Variants in RANBP2 observed in about 807,000 individuals in gnomAD.
RANBP2 encodes the protein RAN binding protein 2.
Under a neutral mutation model 303.6 loss-of-function variants are expected in RANBP2, and 57 were observed. The observed-to-expected ratio is 0.19, with a 90% CI of 0.15 to 0.23. The LOEUF is 0.23. Among genes scored for constraint, RANBP2 ranks in the 10% least tolerant of loss-of-function variants. The probability of loss-of-function intolerance (pLI) is 1.00; values close to 1 mark genes in which losing one functional copy is unlikely to be tolerated. For synonymous variants in RANBP2, 1,167 were observed against 1,301.5 expected (o/e 0.90, Z 2.23); for missense variants, 3,138 against 3,780.8 (o/e 0.83, Z 4.46).
At chr2:109,150,592 G>A in the RANBP2 span, among the ~76,000 whole-genome samples, 1 of 152,284 alleles carries the variant, frequency 6.6e-6, no homozygotes, top group Admixed American at 6.5e-5. Context: ...GGAAAGTGAG[G>A]CCCAGAGAAG....
chr2:109,553,086 C>CCT, the RANBP2 span: 1 of 1,608,106 alleles, frequency 6.2e-7, no homozygotes, highest in Non-Finnish European at 8.5e-7. Context: ...AGCATACTTG[C>CCT]CTCTCTCTCA....
At chr2:109,398,853 T>C in the RANBP2 span, 44,060 of 1,613,772 alleles carry the variant, frequency 0.027, 3,815 homozygotes, top group African/African-American at 0.29. Context: ...CCATGGAAAT[T>C]AGTGCTCCAG....
chr2:109,338,379 G>T, the RANBP2 span, among the ~76,000 whole-genome samples: 1,363 of 151,976 alleles, frequency 9.0e-3, 23 homozygotes, highest in African/African-American at 0.029. Context: ...TGGGGACCCA[G>T]TTCTAACACA....
the RANBP2 span, among the ~76,000 whole-genome samples, chr2:109,143,828 A>G: frequency 1.3e-5 from 2 of 151,942 alleles, no homozygotes; most frequent in Non-Finnish European, 2.9e-5. Context: ...ACACACACAC[A>G]CACACGTATA....
At chr2:109,709,597 C>T in the RANBP2 span, among the ~76,000 whole-genome samples, 1 of 152,170 alleles carries the variant, frequency 6.6e-6, no homozygotes, top group South Asian at 2.1e-4. Flanking sequence ...CAGCACCTAC[C>T]TTGTAGGGTT....
At chr2:109,217,601 T>C in the RANBP2 span, among the ~76,000 whole-genome samples, 1 of 152,348 alleles carries the variant, frequency 6.6e-6, no homozygotes, top group Non-Finnish European at 1.5e-5. Flanking sequence ...GCATGTGTTA[T>C]AAACAGAATC....
the RANBP2 span, among the ~76,000 whole-genome samples, chr2:108,997,003 G>GT: frequency 6.6e-6 from 1 of 152,232 alleles, no homozygotes; most frequent in Non-Finnish European, 1.5e-5. Flanking sequence ...GCTGACTGCT[G>GT]TAAGGGTGGG....
At chr2:109,258,704 G>A in the RANBP2 span, among the ~76,000 whole-genome samples, 1 of 152,228 alleles carries the variant, frequency 6.6e-6, no homozygotes, top group African/African-American at 2.4e-5. Context: ...AGTGATGACT[G>A]CCAGAAAGTT....
chr2:109,539,672 G>T, the RANBP2 span, among the ~76,000 whole-genome samples: 1 of 152,252 alleles, frequency 6.6e-6, no homozygotes. Context: ...TTGAACACCC[G>T]ACCTCAGGTG....
chr2:109,300,175 A>G, the RANBP2 span, among the ~76,000 whole-genome samples: 32 of 152,032 alleles, frequency 2.1e-4, no homozygotes, highest in Non-Finnish European at 4.1e-4. Flanking sequence ...GCCCTGAGAT[A>G]TGCTCTCGAG....
chr2:108,855,541 A>C, the RANBP2 span, among the ~76,000 whole-genome samples: 2 of 152,150 alleles, frequency 1.3e-5, no homozygotes, highest in Non-Finnish European at 2.9e-5. Context: ...GAATCACAGA[A>C]TCTAGCAACT....
the RANBP2 span, among the ~76,000 whole-genome samples, chr2:109,491,571 A>G: frequency 3.3e-5 from 5 of 152,088 alleles, no homozygotes; most frequent in Non-Finnish European, 7.4e-5. Context: ...ATGGCCCACT[A>G]AGGCTGTGGG....
At chr2:109,401,599 A>G in the RANBP2 span, among the ~76,000 whole-genome samples, 3 of 152,194 alleles carry the variant, frequency 2.0e-5, no homozygotes, top group Non-Finnish European at 2.9e-5. Context: ...CTAAAAAAGG[A>G]GCCCACAGGG....
the RANBP2 span, among the ~76,000 whole-genome samples, chr2:109,299,088 G>C: frequency 6.6e-6 from 1 of 152,132 alleles, no homozygotes; most frequent in Non-Finnish European, 1.5e-5. Flanking sequence ...CAAGCCACTG[G>C]GCAGGCTCCC....
At chr2:109,576,351 G>A in the RANBP2 span, among the ~76,000 whole-genome samples, 1 of 151,818 alleles carries the variant, frequency 6.6e-6, no homozygotes. Flanking sequence ...ATCCTGCCTT[G>A]GCCTCCCAAA....
At chr2:109,413,983 C>T in the RANBP2 span, among the ~76,000 whole-genome samples, 1 of 152,244 alleles carries the variant, frequency 6.6e-6, no homozygotes, top group Non-Finnish European at 1.5e-5. Flanking sequence ...GTGGGTCCTT[C>T]TAGGTCCTTG....
rs371104060 is a variant in RANBP2, at chr2:108,772,312, G to A, written c.8021-177G>A. On this transcript the variant is annotated intron_variant, in intron 21 of 28. Transcript: ENST00000283195. ...CGGAAGATGAACTAAAATGAGAGCA[G>A]CTCAAACAAGATGAGAGGCTGAGCT... Among the ~76,000 whole-genome samples, 8 of 152,266 alleles carry A rather than the reference G, an allele frequency of 5.3e-5. No homozygotes were observed. The South Asian group carries it at 1.7e-3, about 32-fold the overall frequency.
At chr2:109,272,524 G>C in the RANBP2 span, among the ~76,000 whole-genome samples, 1 of 152,212 alleles carries the variant, frequency 6.6e-6, no homozygotes, top group African/African-American at 2.4e-5. Flanking sequence ...CACAGGGGCC[G>C]AGTAGGGTGT....
At chr2:109,595,131 A>AC in the RANBP2 span, 1 of 152,084 alleles carries the variant, frequency 6.6e-6, no homozygotes, top group Non-Finnish European at 1.5e-5. Flanking sequence ...AAGCGATCCT[A>AC]CCGCCTTGGC....
Sources: allele counts gnomAD v4.1 joint callset (sites outside exome capture counted in the v4.1 genomes callset), GRCh38; gene constraint gnomAD v4.1.1; transcripts MANE v1.5; gene names NCBI Gene and HGNC (gene_info 2026-07-23, HGNC 2026-07-21).